The following GARIN1A variants were observed in gnomAD, a reference collection of about 807,000 sequenced individuals.
The protein encoded by GARIN1A is golgi associated RAB2 interactor 1A.
chr7:128,673,786 G>A, the GARIN1A span, among the ~76,000 whole-genome samples: 105 of 152,234 alleles, frequency 6.9e-4, 1 homozygote, highest in East Asian at 0.017. Context: ...AACCTGAGGC[G>A]AGCTCATTCC....
chr7:128,674,753 T>C, the GARIN1A span, among the ~76,000 whole-genome samples: 3 of 152,134 alleles, frequency 2.0e-5, no homozygotes, highest in African/African-American at 7.2e-5. Context: ...CTTTCCCTCA[T>C]CCCCAGTTCC....
chr7:128,690,086 G>C, the GARIN1A span, among the ~76,000 whole-genome samples: 2 of 152,232 alleles, frequency 1.3e-5, no homozygotes, highest in East Asian at 1.9e-4. Context: ...GCCTTGGGAT[G>C]CTGTTGATCT....
the GARIN1A span, among the ~76,000 whole-genome samples, chr7:128,678,395 C>T: frequency 2.0e-5 from 3 of 152,150 alleles, no homozygotes; most frequent in South Asian, 2.1e-4. Flanking sequence ...ATTATATTCT[C>T]AGTTAGGTTT....
At chr7:128,675,013 C>T in the GARIN1A span, among the ~76,000 whole-genome samples, 1 of 152,178 alleles carries the variant, frequency 6.6e-6, no homozygotes, top group Non-Finnish European at 1.5e-5. Context: ...GTTCCTTATC[C>T]AGGTCCCTGT....
the GARIN1A span, chr7:128,675,820 G>A: frequency 1.2e-6 from 2 of 1,613,780 alleles, no homozygotes; most frequent in Non-Finnish European, 1.7e-6. Flanking sequence ...TTTACCACCT[G>A]GAGCACACCT....
At chr7:128,705,977 T>C in the GARIN1A span, among the ~76,000 whole-genome samples, 1 of 152,094 alleles carries the variant, frequency 6.6e-6, no homozygotes, top group African/African-American at 2.4e-5. Flanking sequence ...TCTGCTTCCA[T>C]TATCCCTTCT....
chr7:128,680,116 A>G, the GARIN1A span: 2 of 1,573,188 alleles, frequency 1.3e-6, no homozygotes, highest in East Asian at 4.7e-5. Flanking sequence ...AGTTTCTCAC[A>G]GCTCTCAGGA....
the GARIN1A span, among the ~76,000 whole-genome samples, chr7:128,682,605 G>A: frequency 6.6e-6 from 1 of 152,148 alleles, no homozygotes; most frequent in Admixed American, 6.5e-5. Flanking sequence ...TTTTTGAGAA[G>A]GAGTCTCACT....
the GARIN1A span, among the ~76,000 whole-genome samples, chr7:128,679,565 C>T: frequency 6.6e-6 from 1 of 152,106 alleles, no homozygotes; most frequent in Non-Finnish European, 1.5e-5. Flanking sequence ...AGTATTTGCC[C>T]TTCCTCTTTG....
the GARIN1A span, among the ~76,000 whole-genome samples, chr7:128,689,448 C>G: frequency 2.0e-5 from 3 of 152,012 alleles, no homozygotes; most frequent in East Asian, 5.8e-4. Context: ...GGCCGTGACC[C>G]CGACTGGGAG....
chr7:128,681,499 T>G, the GARIN1A span, among the ~76,000 whole-genome samples: 1 of 122,380 alleles, frequency 8.2e-6, no homozygotes, highest in African/African-American at 3.1e-5. Flanking sequence ...TGCTCTCCTC[T>G]CCTTTCCTCT....
chr7:128,679,922 G>C, the GARIN1A span: 1 of 574,776 alleles, frequency 1.7e-6, no homozygotes, highest in Non-Finnish European at 3.0e-6. Context: ...CCAGGGTTAG[G>C]GTGTGAAACT....
At chr7:128,683,073 A>G in the GARIN1A span, 6 of 1,611,964 alleles carry the variant, frequency 3.7e-6, no homozygotes, top group East Asian at 1.3e-4. Flanking sequence ...CTTGAGCCAC[A>G]GCCTCTGGGA....
At chr7:128,698,737 C>T in the GARIN1A span, among the ~76,000 whole-genome samples, 2 of 152,184 alleles carry the variant, frequency 1.3e-5, no homozygotes, top group African/African-American at 2.4e-5. Flanking sequence ...GTAGCTGCCA[C>T]CACACTTGGC....
At chr7:128,683,452 T>TTA in the GARIN1A span, 1 of 154,232 alleles carries the variant, frequency 6.5e-6, no homozygotes, top group African/African-American at 2.5e-5. Flanking sequence ...GACTGGGTAA[T>TTA]TTTATTTATT....
At chr7:128,687,242 A>G in the GARIN1A span, 1 of 152,180 alleles carries the variant, frequency 6.6e-6, no homozygotes, top group African/African-American at 2.4e-5. Flanking sequence ...ATTTGTTTAC[A>G]TGTCTGTCTC....
At chr7:128,674,051 G>A in the GARIN1A span, among the ~76,000 whole-genome samples, 2,059 of 152,016 alleles carry the variant, frequency 0.014, 51 homozygotes, top group African/African-American at 0.047. Flanking sequence ...GCACCACCTC[G>A]CCCAGCTAAT....
At chr7:128,683,085 C>T in the GARIN1A span, 2 of 1,612,506 alleles carry the variant, frequency 1.2e-6, no homozygotes, top group South Asian at 2.2e-5. Flanking sequence ...CCTCTGGGAA[C>T]AAGAGGACTG....
the GARIN1A span, among the ~76,000 whole-genome samples, chr7:128,682,588 GTGT>G: frequency 6.6e-6 from 1 of 151,978 alleles, no homozygotes; most frequent in Non-Finnish European, 1.5e-5. Context: ...TTTTTGTTTT[GTGT>G]TGTTTTTTGA....
Sources: gnomAD v4.1 joint callset for allele counts (sites outside exome capture counted in the v4.1 genomes callset) on GRCh38, gnomAD v4.1.1 for gene constraint, MANE v1.5 for transcripts, NCBI Gene and HGNC (gene_info 2026-07-23, HGNC 2026-07-21) for gene names.